ZNF804B: variants seen among roughly 807,000 people sequenced by gnomAD.
ZNF804B encodes zinc finger protein 804B, also known as zinc finger 804B.
ZNF804B carries 80 observed loss-of-function variants against 101.4 expected under a neutral mutation model. That is an observed-to-expected ratio of 0.79 (90% confidence interval 0.66 to 0.95). The LOEUF (loss-of-function observed/expected upper bound fraction) is 0.95, where lower values mean the gene tolerates loss of function less well. Among genes scored for constraint, ZNF804B ranks in the 40% least tolerant of loss-of-function variants. The pLI is 0.00. For synonymous variants in ZNF804B, 622 were observed against 558.8 expected, an observed-to-expected ratio of 1.11 and a Z score of -1.59; for missense variants, 1,673 against 1,561.9, an observed-to-expected ratio of 1.07 and a Z score of -1.20.
At chr7:89,281,729 A>G (rs1215553832) in intron 2 of ZNF804B, among the ~76,000 whole-genome samples, 1 of 152,196 alleles carries the variant, frequency 6.6e-6, no homozygotes, top group African/African-American at 2.4e-5. Context: ...ACTGAAGTGT[A>G]GTGGTTGGAT....
chr7:89,128,713 A>G (rs1384459434), intron 1 of ZNF804B, among the ~76,000 whole-genome samples: 2 of 151,890 alleles, frequency 1.3e-5, no homozygotes, highest in Non-Finnish European at 2.9e-5. Context: ...AGTTTAACAT[A>G]TTTTCTCATC....
chr7:88,842,044 AAAC>A (rs1207024795), intron 1 of ZNF804B, among the ~76,000 whole-genome samples: 1 of 152,214 alleles, frequency 6.6e-6, no homozygotes, highest in Non-Finnish European at 1.5e-5. Flanking sequence ...TGATTGGACT[AAAC>A]AATATATACT....
Position 88,985,251 on chromosome 7 carries a change from C to CAAA in ZNF804B, c.108+225180_108+225182dup, listed in dbSNP as rs58927850. Among the ~76,000 whole-genome samples, 956 of 126,082 alleles carry CAAA rather than the reference C, an allele frequency of 7.6e-3. 16 individuals are homozygous for CAAA. Among genetic ancestry groups the CAAA allele is most frequent in the African/African-American group, 0.021 (770 of 36,014 alleles). 82.7% of individuals were successfully genotyped at this position (126,082 alleles called of 152,430 possible). Reference sequence around the variant, plus strand: ...CAGTAAACATTTGTGTTTGTTTAACCAAAAAAAAAAAAAAATTCTATTATC... The same window carrying CAAA: ...CAGTAAACATTTGTGTTTGTTTAACCAAAAAAAAAAAAAAAAAATTCTATTATC... On this transcript the variant is annotated intron_variant, in intron 1 of 3. Coordinates refer to ENST00000333190, the MANE Select transcript of ZNF804B (RefSeq NM_181646.5).
At chr7:89,328,635 G>A (rs1790931407) in intron 3 of ZNF804B, among the ~76,000 whole-genome samples, 1 of 151,752 alleles carries the variant, frequency 6.6e-6, no homozygotes, top group Non-Finnish European at 1.5e-5. Context: ...ATAGGGCTTA[G>A]AAGGAAAAGT....
At chr7:89,014,857 A>G (rs182058321) in intron 1 of ZNF804B, among the ~76,000 whole-genome samples, 55 of 152,250 alleles carry the variant, frequency 3.6e-4, no homozygotes, top group African/African-American at 1.3e-3. Context: ...TTGTTGCTTG[A>G]TATAATCACA....
chr7:89,117,328 A>G (rs1312053460), intron 1 of ZNF804B, among the ~76,000 whole-genome samples: 1 of 152,252 alleles, frequency 6.6e-6, no homozygotes, highest in African/African-American at 2.4e-5. Context: ...TGCATCATGT[A>G]TACAGAAAAC....
At chr7:89,256,494 G>A (rs1789633179) in intron 2 of ZNF804B, among the ~76,000 whole-genome samples, 2 of 151,088 alleles carry the variant, frequency 1.3e-5, no homozygotes, top group South Asian at 2.1e-4. Flanking sequence ...GCAGTGAGCT[G>A]TGTTTGGGCC....
chr7:89,111,816 T>C (rs1008471662), intron 1 of ZNF804B, among the ~76,000 whole-genome samples: 1 of 152,172 alleles, frequency 6.6e-6, no homozygotes, highest in African/African-American at 2.4e-5. Context: ...TTTAATGCTA[T>C]AAAATTGTAT....
chr7:89,151,936 A>G (rs1177031347), intron 1 of ZNF804B, among the ~76,000 whole-genome samples: 4 of 152,044 alleles, frequency 2.6e-5, no homozygotes, highest in East Asian at 3.9e-4. Flanking sequence ...TTAGTCTTGT[A>G]TGGGTGTGGA....
At chr7:88,958,450 A>T (rs1793344105) in intron 1 of ZNF804B, among the ~76,000 whole-genome samples, 1 of 151,456 alleles carries the variant, frequency 6.6e-6, no homozygotes, top group Admixed American at 6.6e-5. Context: ...ACTAATTTTG[A>T]CTTGTGGCAA....
At chr7:89,091,318 T>A (rs189268661) in intron 1 of ZNF804B, among the ~76,000 whole-genome samples, 2 of 152,126 alleles carry the variant, frequency 1.3e-5, no homozygotes, top group Non-Finnish European at 2.9e-5. Context: ...CAATTTCCTT[T>A]CAAACATGGT....
intron 1 of ZNF804B, among the ~76,000 whole-genome samples, chr7:89,189,141 A>C (rs2115607842): frequency 6.6e-6 from 1 of 152,282 alleles, no homozygotes; most frequent in Admixed American, 6.5e-5. Context: ...GACTCTTGAT[A>C]ATTATGCTAA....
chr7:89,063,954 A>T (rs1789414045), intron 1 of ZNF804B, among the ~76,000 whole-genome samples: 1 of 152,194 alleles, frequency 6.6e-6, no homozygotes, highest in Admixed American at 6.5e-5. Context: ...ACTCTCAATA[A>T]ACTATCAACT....
At chr7:89,057,891 G>A (rs1263951847) in intron 1 of ZNF804B, among the ~76,000 whole-genome samples, 1 of 152,062 alleles carries the variant, frequency 6.6e-6, no homozygotes, top group Non-Finnish European at 1.5e-5. Context: ...TGAAATGCAG[G>A]GGTGGACAAA....
chr7:88,979,442 C>A (rs185064494), intron 1 of ZNF804B, among the ~76,000 whole-genome samples: 19 of 151,986 alleles, frequency 1.3e-4, no homozygotes, highest in African/African-American at 4.6e-4. Context: ...GGACAATTCA[C>A]TGGATATACT....
intron 2 of ZNF804B, among the ~76,000 whole-genome samples, chr7:89,279,543 TGA>T (rs1174111270): frequency 6.6e-6 from 1 of 151,966 alleles, no homozygotes; most frequent in Non-Finnish European, 1.5e-5. Context: ...CCTAATTTAT[TGA>T]GAGTTTTTAG....
At chr7:89,083,266 A>G (rs1789723971) in intron 1 of ZNF804B, among the ~76,000 whole-genome samples, 1 of 151,852 alleles carries the variant, frequency 6.6e-6, no homozygotes, top group Non-Finnish European at 1.5e-5. Context: ...ACAGTATAAT[A>G]TTACAAGATT....
At chr7:88,915,925 GGTTTA>G (rs1371664396) in intron 1 of ZNF804B, among the ~76,000 whole-genome samples, 1 of 151,704 alleles carries the variant, frequency 6.6e-6, no homozygotes, top group African/African-American at 2.4e-5. Context: ...TACTACAAAA[GGTTTA>G]GTTAAGTCAT....
chr7:89,201,612 G>A (rs1009768331), intron 1 of ZNF804B, among the ~76,000 whole-genome samples: 2 of 151,980 alleles, frequency 1.3e-5, no homozygotes, highest in Non-Finnish European at 2.9e-5. Flanking sequence ...TACTACCTAA[G>A]CTACTGGTCA....
Sources: allele counts gnomAD v4.1 joint callset (sites outside exome capture counted in the v4.1 genomes callset), GRCh38; gene constraint gnomAD v4.1.1; transcripts MANE v1.5; gene names NCBI Gene and HGNC (gene_info 2026-07-23, HGNC 2026-07-21).